The following SNX29 variants were observed in gnomAD, a reference collection of about 807,000 sequenced individuals.
SNX29 encodes sorting nexin 29, also known as sorting nexin-29.
Under a neutral mutation model 102.1 loss-of-function variants are expected in SNX29, and 78 were observed. That is an observed-to-expected ratio of 0.76 (90% CI 0.64 to 0.92). SNX29 has a LOEUF of 0.92. Among genes scored for constraint, SNX29 ranks in the 40% least tolerant of loss-of-function variants. The probability of loss-of-function intolerance (pLI) is 0.00; values close to 1 mark genes in which losing one functional copy is unlikely to be tolerated. For synonymous variants in SNX29, 580 were observed against 414.5 expected (o/e 1.40, Z -4.85); for missense variants, 1,280 against 1,061.7 (o/e 1.21, Z -2.86).
intron 11 of SNX29, among the ~76,000 whole-genome samples, chr16:12,119,892 G>A (rs932788312): frequency 1.3e-5 from 2 of 152,214 alleles, no homozygotes; most frequent in East Asian, 1.9e-4. Flanking sequence ...ACATGAGATC[G>A]TGTATTTCAG....
At chr16:12,566,076 C>A (rs1365507189) in intron 20 of SNX29, among the ~76,000 whole-genome samples, 1 of 152,224 alleles carries the variant, frequency 6.6e-6, no homozygotes, top group Non-Finnish European at 1.5e-5. Context: ...TCTCTAGGCA[C>A]TTGATCCCCA....
intron 11 of SNX29, among the ~76,000 whole-genome samples, chr16:12,118,999 T>C (rs1366738657): frequency 6.6e-6 from 1 of 152,248 alleles, no homozygotes; most frequent in African/African-American, 2.4e-5. Context: ...ATTTCCAAGC[T>C]GCTTGGTGCT....
chr16:12,496,192 C>G lies in SNX29; in HGVS notation c.2178+18333C>G, dbSNP rs549851145. On this transcript the variant is annotated intron_variant, in intron 19 of 20. Coordinates refer to ENST00000566228, the MANE Select transcript of SNX29 (RefSeq NM_032167.5). ...CTCATTTGTAGGTGACTATACTATG[C>G]AGTGTGAGCGCCCTAAAATTGTGCC... 1.6e-4 allele frequency among the ~76,000 whole-genome samples: 24 copies of G among 152,328 alleles called. No individual in the cohort carries two copies. The East Asian group carries it at 4.4e-3, about 28-fold the overall frequency.
intron 14 of SNX29, among the ~76,000 whole-genome samples, chr16:12,230,153 A>G (rs1318600918): frequency 6.6e-6 from 1 of 152,220 alleles, no homozygotes; most frequent in Non-Finnish European, 1.5e-5. Context: ...TTAAACGAAA[A>G]CAAAGAAAAT....
intron 15 of SNX29, among the ~76,000 whole-genome samples, chr16:12,322,476 T>G (rs2080971302): frequency 6.6e-6 from 1 of 152,184 alleles, no homozygotes; most frequent in Non-Finnish European, 1.5e-5. Context: ...TTAAAAAGAA[T>G]TGTGGGTTAC....
chr16:12,289,099 A>G (rs1479121132), intron 15 of SNX29, among the ~76,000 whole-genome samples: 2 of 152,222 alleles, frequency 1.3e-5, no homozygotes, highest in Non-Finnish European at 2.9e-5. Context: ...GGAGGATGGA[A>G]ACAGATTCTA....
chr16:12,533,136 G>A (rs1038924059), intron 20 of SNX29, among the ~76,000 whole-genome samples: 1 of 152,252 alleles, frequency 6.6e-6, no homozygotes, highest in African/African-American at 2.4e-5. Flanking sequence ...TTAGAAACAC[G>A]GCCGCCTTTG....
chr16:12,125,895 A>G lies in SNX29; in HGVS notation c.1403-738A>G, dbSNP rs144087487. Among the ~76,000 whole-genome samples the G allele has an allele frequency of 3.3e-5, 5 of 152,200 alleles. No individual in the cohort carries two copies. In the East Asian group the frequency reaches 9.7e-4, roughly 29 times the overall value. ...TCAGCTATGAGGTCTGAGTAGCAGC[A>G]CTGGGGACCCCCTTCTCCCATGCCT... On this transcript the variant is annotated intron_variant, in intron 11 of 20. Transcript: ENST00000566228.
intron 11 of SNX29, among the ~76,000 whole-genome samples, chr16:12,097,943 T>G (rs1010942871): frequency 1.2e-4 from 18 of 152,254 alleles, no homozygotes; most frequent in African/African-American, 3.9e-4. Flanking sequence ...TTCATTAAAG[T>G]TGGGGGAGCT....
intron 11 of SNX29, among the ~76,000 whole-genome samples, chr16:12,100,460 C>G (rs2052965272): frequency 6.6e-6 from 1 of 152,254 alleles, no homozygotes; most frequent in South Asian, 2.1e-4. Flanking sequence ...GCAGAAGAGA[C>G]ATGTCAGGTG....
At chr16:12,149,438 G>A (rs939214448) in intron 13 of SNX29, among the ~76,000 whole-genome samples, 1 of 152,184 alleles carries the variant, frequency 6.6e-6, no homozygotes, top group Non-Finnish European at 1.5e-5. Context: ...TTAGTGCCTG[G>A]TACATAGTAA....
chr16:12,462,659 C>A (rs1176626891), intron 18 of SNX29, among the ~76,000 whole-genome samples: 2 of 152,122 alleles, frequency 1.3e-5, no homozygotes, highest in African/African-American at 4.8e-5. Flanking sequence ...TGTCTTAATT[C>A]CATGATTTCA....
At chr16:12,284,753 C>T (rs1567396857) in intron 15 of SNX29, among the ~76,000 whole-genome samples, 1 of 149,724 alleles carries the variant, frequency 6.7e-6, no homozygotes, top group African/African-American at 2.5e-5. Flanking sequence ...GAGACAGAGT[C>T]TCATTCTGTC....
At chr16:12,532,171 T>C (rs941022714) in intron 20 of SNX29, among the ~76,000 whole-genome samples, 1 of 152,242 alleles carries the variant, frequency 6.6e-6, no homozygotes, top group Non-Finnish European at 1.5e-5. Flanking sequence ...TGGCTCTGTC[T>C]ACTGCAAACA....
intron 16 of SNX29, among the ~76,000 whole-genome samples, chr16:12,382,859 C>G (rs748556101): frequency 1.3e-5 from 2 of 151,958 alleles, no homozygotes; most frequent in Admixed American, 6.6e-5. Context: ...TCTGGTGCCT[C>G]TCTGTATCTC....
At chr16:12,536,962 T>A (rs150395831) in intron 20 of SNX29, among the ~76,000 whole-genome samples, 203 of 151,484 alleles carry the variant, frequency 1.3e-3, no homozygotes, top group South Asian at 6.9e-3. Flanking sequence ...GGCGACAGAG[T>A]GAGAGAGAAC....
chr16:12,377,007 C>T (rs1324367946), intron 16 of SNX29, among the ~76,000 whole-genome samples: 3 of 152,184 alleles, frequency 2.0e-5, no homozygotes, highest in Middle Eastern at 3.4e-3. Context: ...GGTTTTCTAA[C>T]CAGGAGAATG....
In SNX29 at chr16:12,401,359, ATT is replaced by A. The variant is rs35886680; in HGVS notation, c.1956-2067_1956-2066del. On this transcript the variant is annotated intron_variant, in intron 17 of 20. Coordinates refer to ENST00000566228, the MANE Select transcript of SNX29 (RefSeq NM_032167.5). Reference sequence around the variant, plus strand: ...TCTTCCTTGACCACAATAGAGTTAAATTTTTTTTTTTTTTTTTTTTTTTGAGA... The same window carrying A: ...TCTTCCTTGACCACAATAGAGTTAAATTTTTTTTTTTTTTTTTTTTTGAGA... 9.6e-3 allele frequency among the ~76,000 whole-genome samples: 972 copies of A among 101,426 alleles called. 9 individuals are homozygous for A. Among genetic ancestry groups the A allele is most frequent in the African/African-American group, 0.034 (913 of 27,022 alleles). 66.5% of individuals were successfully genotyped at this position (101,426 alleles called of 152,430 possible).
At position 12,523,696 on chromosome 16, in the gene SNX29, C is replaced by G. The variant is rs2090187147; in HGVS notation, c.2179-1006C>G. Among the ~76,000 whole-genome samples the G allele has an allele frequency of 2.6e-5, 4 of 152,188 alleles. No homozygotes were observed. In the South Asian group the frequency reaches 6.2e-4, roughly 24 times the overall value. On this transcript the variant is annotated intron_variant, in intron 19 of 20. Transcript: ENST00000566228. ...CAAGCAAGCTGGCCCTGCCCACAAA[C>G]ACCAACCAGACACAGGGGTGGGGTG...
Sources: allele counts gnomAD v4.1 joint callset (sites outside exome capture counted in the v4.1 genomes callset), GRCh38; gene constraint gnomAD v4.1.1; transcripts MANE v1.5; gene names NCBI Gene and HGNC (gene_info 2026-07-23, HGNC 2026-07-21).